TSHZ2: variants seen among roughly 807,000 people sequenced by gnomAD.
TSHZ2 encodes teashirt homolog 2.
In TSHZ2, 21 loss-of-function variants were observed where a neutral mutation model predicts 74.4. That is an observed-to-expected ratio of 0.28 (90% CI 0.20 to 0.41). TSHZ2 has a LOEUF of 0.41. Ranked by LOEUF, TSHZ2 falls within the 10% of genes least tolerant of loss-of-function variation. The pLI, the probability that TSHZ2 is intolerant of heterozygous loss-of-function variation, is 1.00. For missense variants in TSHZ2, 1,244 were observed against 1,293.5 expected (o/e 0.96, Z 0.59); for synonymous variants, 540 against 515.3 (o/e 1.05, Z -0.65).
chr20:53,008,557 C>CTTTT (rs34485556), intron 1 of TSHZ2, among the ~76,000 whole-genome samples: 22 of 146,026 alleles, frequency 1.5e-4, no homozygotes, highest in African/African-American at 5.5e-4. Context: ...TTATAATCAC[C>CTTTT]TTTTTTTTTT....
chr20:52,991,932 G>A (rs929642057), intron 1 of TSHZ2, among the ~76,000 whole-genome samples: 1 of 152,186 alleles, frequency 6.6e-6, no homozygotes, highest in Non-Finnish European at 1.5e-5. Flanking sequence ...TTTTCCCTGT[G>A]AACATGAAGC....
At chr20:53,042,272 G>A (rs1984068395) in intron 1 of TSHZ2, among the ~76,000 whole-genome samples, 2 of 152,248 alleles carry the variant, frequency 1.3e-5, no homozygotes, top group Middle Eastern at 3.4e-3. Flanking sequence ...ATCATCTGAA[G>A]TTCATCTTTT....
In TSHZ2 at chr20:52,973,261, G is replaced by GGCGCCAGAAGTGGGACTGGA; in HGVS notation, c.-29_-10dup. 6.4e-7 allele frequency: 1 copy of GGCGCCAGAAGTGGGACTGGA among 1,551,898 alleles called. No individual in the cohort carries two copies. The highest frequency in any genetic ancestry group is 2.0e-5 in the Admixed American group (1 of 50,990). ...GCCCCAGCGCGCGGCTCGGGGCTGGGGCGCCAGAAGTGGGACTGGAGCGAA... is the reference window on the plus strand; with the variant it reads ...GCCCCAGCGCGCGGCTCGGGGCTGGGGCGCCAGAAGTGGGACTGGAGCGCCAGAAGTGGGACTGGAGCGAA... On this transcript the variant is annotated 5_prime_UTR_variant, in exon 1 of 3. An upstream open reading frame in the 5' UTR loses its in-frame stop. Transcript: ENST00000371497.
At chr20:53,395,309 A>G (rs371625275) in intron 2 of TSHZ2, among the ~76,000 whole-genome samples, 18 of 152,316 alleles carry the variant, frequency 1.2e-4, no homozygotes, top group African/African-American at 4.3e-4. Context: ...ACGATGAGTA[A>G]GCAAAGAAGA....
At chr20:53,107,699 G>A (rs73142262) in intron 1 of TSHZ2, among the ~76,000 whole-genome samples, 10,722 of 152,232 alleles carry the variant, frequency 0.07, 444 homozygotes, top group Non-Finnish European at 0.1. Context: ...GGTGCCGCAC[G>A]TATCTTCCCA....
intron 2 of TSHZ2, among the ~76,000 whole-genome samples, chr20:53,322,159 A>G (rs1222013351): frequency 2.0e-5 from 3 of 152,146 alleles, no homozygotes; most frequent in Admixed American, 6.5e-5. Flanking sequence ...TACTTCCTCA[A>G]TTTTATTCGA....
chr20:53,088,225 G>C (rs1568753349), intron 1 of TSHZ2, among the ~76,000 whole-genome samples: 1 of 152,178 alleles, frequency 6.6e-6, no homozygotes, highest in East Asian at 1.9e-4. Context: ...GTTTTTGTTG[G>C]GAACTTACTA....
chr20:53,125,860 T>C (rs1361850344), intron 1 of TSHZ2, among the ~76,000 whole-genome samples: 2 of 152,252 alleles, frequency 1.3e-5, no homozygotes. Flanking sequence ...GCCTCAGTGA[T>C]ATTTCAATAT....
chr20:53,189,190 C>T (rs1312745509), intron 1 of TSHZ2, among the ~76,000 whole-genome samples: 1 of 152,156 alleles, frequency 6.6e-6, no homozygotes, highest in Admixed American at 6.5e-5. Flanking sequence ...GATTTCCATC[C>T]TTTTCCATGA....
intron 2 of TSHZ2, among the ~76,000 whole-genome samples, chr20:53,386,124 G>A (rs993803671): frequency 6.6e-6 from 1 of 152,146 alleles, no homozygotes; most frequent in African/African-American, 2.4e-5. Context: ...ACCTCTTAGC[G>A]TGGCCTGAGA....
intron 1 of TSHZ2, chr20:53,178,885 A>G (rs774957975): frequency 6.6e-6 from 1 of 152,158 alleles, no homozygotes; most frequent in Non-Finnish European, 1.5e-5. Context: ...CTTCTATAGG[A>G]ATTCCTATCA....
At chr20:53,292,697 A>G (rs914435563) in intron 2 of TSHZ2, among the ~76,000 whole-genome samples, 4 of 152,084 alleles carry the variant, frequency 2.6e-5, no homozygotes, top group Non-Finnish European at 4.4e-5. Context: ...TTCCTTTTCC[A>G]TGCTGCATGT....
At chr20:53,470,587 G>A (rs1428253856) in intron 2 of TSHZ2, among the ~76,000 whole-genome samples, 1 of 152,082 alleles carries the variant, frequency 6.6e-6, no homozygotes, top group Non-Finnish European at 1.5e-5. Flanking sequence ...AGGCCGGGGT[G>A]GGCAGATCAC....
At chr20:53,018,615 C>A (rs2123025375) in intron 1 of TSHZ2, among the ~76,000 whole-genome samples, 1 of 152,342 alleles carries the variant, frequency 6.6e-6, no homozygotes, top group Non-Finnish European at 1.5e-5. Flanking sequence ...TATCACAGGT[C>A]ACCACTGCCT....
chr20:53,035,453 TA>T (rs2123075816), intron 1 of TSHZ2, among the ~76,000 whole-genome samples: 1 of 152,316 alleles, frequency 6.6e-6, no homozygotes, highest in East Asian at 1.9e-4. Flanking sequence ...TAAAAGGTTT[TA>T]AAGGAACTTG....
intron 1 of TSHZ2, among the ~76,000 whole-genome samples, chr20:53,016,920 T>A (rs769391761): frequency 3.3e-5 from 5 of 152,030 alleles, no homozygotes; most frequent in East Asian, 1.9e-4. Flanking sequence ...GAGTTGCAGG[T>A]GGGGGGCTTG....
At chr20:53,198,800 C>T (rs1173763109) in intron 1 of TSHZ2, among the ~76,000 whole-genome samples, 1 of 152,170 alleles carries the variant, frequency 6.6e-6, no homozygotes, top group Non-Finnish European at 1.5e-5. Context: ...CAATGCCATA[C>T]CATGTCCTTG....
At chr20:53,170,680 A>C (rs146698846) in intron 1 of TSHZ2, among the ~76,000 whole-genome samples, 1 of 152,216 alleles carries the variant, frequency 6.6e-6, no homozygotes, top group Non-Finnish European at 1.5e-5. Context: ...GTGAACGCTG[A>C]AATGTGTGGT....
At chr20:53,415,684 T>C (rs1250212612) in intron 2 of TSHZ2, among the ~76,000 whole-genome samples, 3 of 128 alleles carry the variant, frequency 0.023, no homozygotes, top group Non-Finnish European at 0.062. Flanking sequence ...TGTATGTGTG[T>C]ATATACATAT....
Sources: gnomAD v4.1 joint callset for allele counts (sites outside exome capture counted in the v4.1 genomes callset) on GRCh38, gnomAD v4.1.1 for gene constraint, MANE v1.5 for transcripts, NCBI Gene and HGNC (gene_info 2026-07-23, HGNC 2026-07-21) for gene names.